The following DNAJC5B variants were observed in gnomAD, a reference collection of about 807,000 sequenced individuals.
The protein encoded by DNAJC5B is dnaJ homolog subfamily C member 5B.
DNAJC5B carries 23 observed loss-of-function variants against 24.7 expected under a neutral mutation model. That is an observed-to-expected ratio of 0.93 (90% CI 0.67 to 1.32). The LOEUF is 1.32. DNAJC5B is among the 40% of genes most tolerant of loss of function. DNAJC5B has a pLI of 0.00. For synonymous variants in DNAJC5B, 101 were observed against 90.1 expected, an observed-to-expected ratio of 1.12 and a Z score of -0.68; for missense variants, 238 against 240.8, an observed-to-expected ratio of 0.99 and a Z score of 0.08.
intron 2 of DNAJC5B, among the ~76,000 whole-genome samples, chr8:66,050,297 G>GA (rs1806817959): frequency 6.6e-6 from 1 of 152,080 alleles, no homozygotes; most frequent in Non-Finnish European, 1.5e-5. Context: ...AAACACACAA[G>GA]AAAAAATATG....
intron 5 of DNAJC5B, among the ~76,000 whole-genome samples, chr8:66,098,291 C>T (rs1180699748): frequency 6.6e-6 from 1 of 152,168 alleles, no homozygotes; most frequent in Non-Finnish European, 1.5e-5. Flanking sequence ...CAACCTCTGC[C>T]TCCTGGGTTC....
chr8:66,020,661 A>G (rs1343979385), upstream of DNAJC5B, among the ~76,000 whole-genome samples: 4 of 143,702 alleles, frequency 2.8e-5, no homozygotes, highest in East Asian at 6.4e-4. Context: ...TGTTTTAGAC[A>G]AGGTTTCATT....
chr8:66,095,748 TC>T (rs1207545858), intron 5 of DNAJC5B, among the ~76,000 whole-genome samples: 1 of 151,852 alleles, frequency 6.6e-6, no homozygotes, highest in African/African-American at 2.4e-5. Context: ...TTTTCTGATT[TC>T]TATTATGATT....
intron 2 of DNAJC5B, among the ~76,000 whole-genome samples, chr8:66,044,703 G>A (rs542310146): frequency 2.3e-4 from 35 of 152,176 alleles, no homozygotes; most frequent in African/African-American, 6.5e-4. Context: ...TGGCTTTGTC[G>A]TGCAGCTAGA....
intron 1 of DNAJC5B, among the ~76,000 whole-genome samples, chr8:66,038,668 GT>G (rs1806540480): frequency 6.6e-6 from 1 of 152,096 alleles, no homozygotes; most frequent in Non-Finnish European, 1.5e-5. Flanking sequence ...TACCATCCTT[GT>G]TTTTGTTTTC....
At chr8:66,099,458 C>A (rs960392746) in intron 5 of DNAJC5B, among the ~76,000 whole-genome samples, 4 of 152,214 alleles carry the variant, frequency 2.6e-5, no homozygotes, top group African/African-American at 9.6e-5. Context: ...TCTAAGCAAA[C>A]TCTCAGTTTT....
chr8:66,059,109 GC>G (rs1312359560), intron 3 of DNAJC5B, among the ~76,000 whole-genome samples: 1 of 152,172 alleles, frequency 6.6e-6, no homozygotes, highest in Admixed American at 6.5e-5. Context: ...CTCATCCAGG[GC>G]CTTCATTATG....
intron 1 of DNAJC5B, among the ~76,000 whole-genome samples, chr8:66,028,805 C>T (rs941225615): frequency 9.2e-5 from 14 of 152,276 alleles, no homozygotes; most frequent in Middle Eastern, 3.4e-3. Context: ...TCTCTGCACT[C>T]GTTGGCCACG....
chr8:66,069,635 G>A (rs894582637), intron 3 of DNAJC5B, among the ~76,000 whole-genome samples: 1 of 152,226 alleles, frequency 6.6e-6, no homozygotes, highest in Non-Finnish European at 1.5e-5. Context: ...GAGGTACAAA[G>A]AGGAGCTGGT....
intron 3 of DNAJC5B, among the ~76,000 whole-genome samples, chr8:66,052,261 C>T (rs79160543): frequency 0.07 from 10,691 of 151,744 alleles, 552 homozygotes; most frequent in African/African-American, 0.14. Context: ...CCCTGCCAAT[C>T]GCTGTCATTT....
intron 2 of DNAJC5B, among the ~76,000 whole-genome samples, chr8:66,050,210 G>A (rs1203981730): frequency 6.6e-6 from 1 of 152,186 alleles, no homozygotes; most frequent in African/African-American, 2.4e-5. Context: ...CATGCTCAGG[G>A]AGCTGCCACT....
intron 3 of DNAJC5B, among the ~76,000 whole-genome samples, chr8:66,076,271 C>T (rs915934906): frequency 6.6e-6 from 1 of 152,156 alleles, no homozygotes; most frequent in Non-Finnish European, 1.5e-5. Flanking sequence ...CTGGAAAATT[C>T]TTCTGGTTCT....
intron 3 of DNAJC5B, among the ~76,000 whole-genome samples, chr8:66,065,457 A>G (rs146791579): frequency 1.3e-5 from 2 of 152,346 alleles, no homozygotes; most frequent in East Asian, 3.9e-4. Context: ...ACAATCTGCA[A>G]TTTGAAACCA....
chr8:66,058,720 C>A (rs547552712), intron 3 of DNAJC5B, among the ~76,000 whole-genome samples: 1 of 152,306 alleles, frequency 6.6e-6, no homozygotes, highest in East Asian at 1.9e-4. Flanking sequence ...GTGCATAAAG[C>A]ACCTTTTTCC....
At chr8:66,067,778 C>A (rs1807252755) in intron 3 of DNAJC5B, among the ~76,000 whole-genome samples, 3 of 152,120 alleles carry the variant, frequency 2.0e-5, no homozygotes, top group Admixed American at 6.6e-5. Flanking sequence ...ATATGTGAAG[C>A]CATCTTGGGA....
At chr8:66,071,157 C>T (rs964864313) in intron 3 of DNAJC5B, among the ~76,000 whole-genome samples, 1 of 152,102 alleles carries the variant, frequency 6.6e-6, no homozygotes. Flanking sequence ...GACTTCATGA[C>T]TAAAACACCA....
chr8:66,080,384 T>G lies in DNAJC5B; in HGVS notation c.341T>G (p.Phe114Cys). The G allele has an allele frequency of 6.2e-7, 1 of 1,612,490 alleles. No homozygotes were observed. The change falls in exon 5 of 6, where the codon TTT (phenylalanine) becomes TGT (cysteine). Residue 114 changes from phenylalanine (F) to cysteine (C), a missense_variant. By Grantham distance (205) the Phe-to-Cys change is radical. Coordinates refer to ENST00000276570, the MANE Select transcript of DNAJC5B (RefSeq NM_033105.6). ...MLSSWWAKAL[F>C]VIVGLLTGCY... Reference sequence around the variant, plus strand: ...TTACCTCTGTTTCCCTAGGCCCTGTTTGTCATCGTTGGCCTCTTGACGGGC... The same window carrying G: ...TTACCTCTGTTTCCCTAGGCCCTGTGTGTCATCGTTGGCCTCTTGACGGGC...
At chr8:66,079,949 G>A (rs972101552) in intron 4 of DNAJC5B, among the ~76,000 whole-genome samples, 31 of 152,112 alleles carry the variant, frequency 2.0e-4, no homozygotes, top group African/African-American at 6.0e-4. Flanking sequence ...GGGAGGTATC[G>A]GACAGTTCAT....
chr8:66,029,411 G>T (rs1806314270), intron 1 of DNAJC5B, among the ~76,000 whole-genome samples: 1 of 152,192 alleles, frequency 6.6e-6, no homozygotes, highest in African/African-American at 2.4e-5. Flanking sequence ...GGAGGAAGAG[G>T]CAGGGGCAAG....
Sources: gnomAD v4.1 joint callset for allele counts (sites outside exome capture counted in the v4.1 genomes callset) on GRCh38, gnomAD v4.1.1 for gene constraint, MANE v1.5 for transcripts, NCBI Gene and HGNC (gene_info 2026-07-23, HGNC 2026-07-21) for gene names.